SH3GL2: variants seen among roughly 807,000 people sequenced by gnomAD.
The protein encoded by SH3GL2 is SH3 domain containing GRB2 like 2, endophilin A1.
Under a neutral mutation model 46.0 loss-of-function variants are expected in SH3GL2, and 24 were observed. The observed-to-expected ratio is 0.52, with a 90% CI of 0.38 to 0.73. The LOEUF (loss-of-function observed/expected upper bound fraction) is 0.73, where lower values mean the gene tolerates loss of function less well. SH3GL2 is among the 30% of genes least tolerant of loss of function. The pLI, the probability that SH3GL2 is intolerant of heterozygous loss-of-function variation, is 0.00. For synonymous variants in SH3GL2, 196 were observed against 147.1 expected, an observed-to-expected ratio of 1.33 and a Z score of -2.40; for missense variants, 413 against 424.2, an observed-to-expected ratio of 0.97 and a Z score of 0.23.
chr9:17,587,476 A>T (rs1474045459), intron 1 of SH3GL2, among the ~76,000 whole-genome samples: 2 of 152,238 alleles, frequency 1.3e-5, no homozygotes, highest in Non-Finnish European at 2.9e-5. Context: ...TGGGAACGGC[A>T]TAACTTTTCA....
intron 1 of SH3GL2, among the ~76,000 whole-genome samples, chr9:17,669,506 A>G (rs1820421812): frequency 6.6e-6 from 1 of 152,212 alleles, no homozygotes; most frequent in Non-Finnish European, 1.5e-5. Flanking sequence ...GTGGCATTAG[A>G]AAAGCAGAAT....
intron 2 of SH3GL2, among the ~76,000 whole-genome samples, chr9:17,760,397 C>T (rs1823136117): frequency 6.6e-6 from 1 of 151,852 alleles, no homozygotes; most frequent in African/African-American, 2.4e-5. Flanking sequence ...AGGAGGCTTA[C>T]TTTATGCAAG....
chr9:17,702,255 C>T (rs968653539), intron 1 of SH3GL2, among the ~76,000 whole-genome samples: 2 of 151,836 alleles, frequency 1.3e-5, no homozygotes, highest in African/African-American at 4.8e-5. Flanking sequence ...GAAAATTTTC[C>T]AGTGGAATAA....
chr9:17,692,598 T>A (rs1345674822), intron 1 of SH3GL2, among the ~76,000 whole-genome samples: 1 of 148,634 alleles, frequency 6.7e-6, no homozygotes, highest in Non-Finnish European at 1.5e-5. Flanking sequence ...TGAGCTGAGA[T>A]TGTGCCACCG....
At chr9:17,610,854 C>G (rs188601418) in intron 1 of SH3GL2, among the ~76,000 whole-genome samples, 1 of 152,094 alleles carries the variant, frequency 6.6e-6, no homozygotes, top group Non-Finnish European at 1.5e-5. Context: ...TTATGGGACG[C>G]TTTTTTGGTG....
At chr9:17,680,277 C>G (rs1403035990) in intron 1 of SH3GL2, among the ~76,000 whole-genome samples, 2 of 151,906 alleles carry the variant, frequency 1.3e-5, no homozygotes, top group Non-Finnish European at 2.9e-5. Flanking sequence ...TTTTGGTTGG[C>G]AAGCTATTAA....
intron 1 of SH3GL2, among the ~76,000 whole-genome samples, chr9:17,604,797 G>C (rs898002421): frequency 2.0e-5 from 3 of 152,120 alleles, no homozygotes; most frequent in African/African-American, 7.2e-5. Flanking sequence ...GGCATGCTCA[G>C]CTCTGACCTT....
intron 1 of SH3GL2, among the ~76,000 whole-genome samples, chr9:17,724,392 C>G (rs1205776906): frequency 1.3e-5 from 2 of 152,142 alleles, no homozygotes; most frequent in Non-Finnish European, 1.5e-5. Flanking sequence ...TCATGCCTTA[C>G]TTTACTTCCG....
intron 1 of SH3GL2, among the ~76,000 whole-genome samples, chr9:17,719,565 A>G (rs1380571490): frequency 1.3e-5 from 2 of 152,076 alleles, no homozygotes; most frequent in Non-Finnish European, 2.9e-5. Context: ...GTGGGAGGAT[A>G]GCTTGATTGA....
Position 17,626,862 on chromosome 9 carries a change from C to T in SH3GL2, c.45+47575C>T, listed in dbSNP as rs990219845. 2.6e-5 allele frequency among the ~76,000 whole-genome samples: 4 copies of T among 152,090 alleles called. No individual in the cohort carries two copies. In the East Asian group the frequency reaches 7.7e-4, roughly 29 times the overall value. ...TGAGCACTTTAATTTGTGGAAGAGT[C>T]GAGGAAGAGGAGGCCTTGAAAATAG... On this transcript the variant is annotated intron_variant, in intron 1 of 8. Coordinates refer to ENST00000380607, the MANE Select transcript of SH3GL2 (RefSeq NM_003026.5).
At chr9:17,794,364 T>G (rs1337851958) in intron 8 of SH3GL2, among the ~76,000 whole-genome samples, 1 of 152,162 alleles carries the variant, frequency 6.6e-6, no homozygotes, top group Admixed American at 6.6e-5. Flanking sequence ...TATAAGATGC[T>G]CTCAGGAGAC....
chr9:17,639,402 C>A (rs1008596911), intron 1 of SH3GL2, among the ~76,000 whole-genome samples: 9 of 152,112 alleles, frequency 5.9e-5, no homozygotes, highest in Non-Finnish European at 1.3e-4. Context: ...TTGTATAGAC[C>A]TGTCTTAAAA....
intron 1 of SH3GL2, among the ~76,000 whole-genome samples, chr9:17,612,089 G>A (rs1287839805): frequency 6.6e-6 from 1 of 152,158 alleles, no homozygotes; most frequent in African/African-American, 2.4e-5. Context: ...CAGCAGAGCT[G>A]GCATAGAAGG....
chr9:17,754,604 T>C (rs1429530491), intron 2 of SH3GL2, among the ~76,000 whole-genome samples: 2 of 151,650 alleles, frequency 1.3e-5, no homozygotes, highest in African/African-American at 2.4e-5. Flanking sequence ...ACCCAGGAGG[T>C]GGAGCTTGCA....
intron 1 of SH3GL2, among the ~76,000 whole-genome samples, chr9:17,607,496 A>C (rs1266724083): frequency 6.6e-6 from 1 of 152,210 alleles, no homozygotes; most frequent in Admixed American, 6.5e-5. Flanking sequence ...CAGTTATGAC[A>C]TAGCTGAGTT....
chr9:17,704,171 AG>A (rs1286008805), intron 1 of SH3GL2, among the ~76,000 whole-genome samples: 1 of 151,204 alleles, frequency 6.6e-6, no homozygotes, highest in Non-Finnish European at 1.5e-5. Context: ...AGCCAAACCA[AG>A]AACACACTCC....
rs1436518373 is a variant in SH3GL2 at position 17,703,429 on chromosome 9, C to G, written c.46-43637C>G. Among the ~76,000 whole-genome samples the G allele has an allele frequency of 2.0e-5, 3 of 151,854 alleles. 1 individual carries two copies. Among genetic ancestry groups the G allele is most frequent in the African/African-American group, 7.3e-5 (3 of 41,334 alleles). On this transcript the variant is annotated intron_variant, in intron 1 of 8. Coordinates refer to ENST00000380607, the MANE Select transcript of SH3GL2 (RefSeq NM_003026.5). ...ATTTCCAAAAGTTGAGGAGGAGGGA[C>G]TCCTCCTTAACTCATTCTGTGAGGT...
intron 1 of SH3GL2, among the ~76,000 whole-genome samples, chr9:17,625,289 C>T (rs948975197): frequency 1.3e-5 from 2 of 152,112 alleles, no homozygotes; most frequent in African/African-American, 2.4e-5. Flanking sequence ...TAGTCCACAT[C>T]TGTTGTTGAT....
chr9:17,737,091 C>CT (rs754353013), intron 1 of SH3GL2, among the ~76,000 whole-genome samples: 1 of 152,036 alleles, frequency 6.6e-6, no homozygotes, highest in Non-Finnish European at 1.5e-5. Context: ...TCTCAGCAAA[C>CT]TAACACAGGA....
Sources: allele counts gnomAD v4.1 joint callset (sites outside exome capture counted in the v4.1 genomes callset), GRCh38; gene constraint gnomAD v4.1.1; transcripts MANE v1.5; gene names NCBI Gene and HGNC (gene_info 2026-07-23, HGNC 2026-07-21).